PTCD3: variants seen among roughly 807,000 people sequenced by gnomAD.
The protein encoded by PTCD3 is small ribosomal subunit protein mS39.
In PTCD3, 89 loss-of-function variants were observed where a neutral mutation model predicts 101.9. That is an observed-to-expected ratio of 0.87 (90% CI 0.74 to 1.04). PTCD3 has a LOEUF of 1.04. PTCD3 is among the 50% of genes least tolerant of loss of function. PTCD3 has a pLI of 0.00. For synonymous variants in PTCD3, 296 were observed against 278.5 expected (o/e 1.06, Z -0.63); for missense variants, 870 against 828.2 (o/e 1.05, Z -0.62).
At chr2:86,109,579 T>C (rs1573846124) in intron 3 of PTCD3, among the ~76,000 whole-genome samples, 1 of 152,302 alleles carries the variant, frequency 6.6e-6, no homozygotes, top group South Asian at 2.1e-4. Context: ...GAGAGAGGAT[T>C]TGAAGAAATA....
chr2:86,113,421 A>G (rs761892150), intron 4 of PTCD3, among the ~76,000 whole-genome samples: 1 of 152,162 alleles, frequency 6.6e-6, no homozygotes, highest in Non-Finnish European at 1.5e-5. Flanking sequence ...TTTCTGCCAC[A>G]GTATCTGTAT....
At chr2:86,113,613 C>T (rs1573848302) in intron 4 of PTCD3, among the ~76,000 whole-genome samples, 1 of 152,036 alleles carries the variant, frequency 6.6e-6, no homozygotes, top group South Asian at 2.1e-4. Context: ...TGAGATCAGT[C>T]TGGGCAACAT....
rs536502150 is a variant in PTCD3 at position 86,118,382 on chromosome 2, C to T, written c.415-539C>T. Among the ~76,000 whole-genome samples the T allele has an allele frequency of 2.5e-4, 38 of 152,286 alleles. 1 individual carries two copies. Among genetic ancestry groups the T allele is most frequent in the African/African-American group, 9.1e-4 (38 of 41,566 alleles). On this transcript the variant is annotated intron_variant, in intron 6 of 23. Coordinates refer to ENST00000254630, the MANE Select transcript of PTCD3 (RefSeq NM_017952.6). ...TTGGTGGAAGTACTAATCTCAGACTCATCATATCTAAACTGCTCCCATATC... is the reference window on the plus strand; with the variant it reads ...TTGGTGGAAGTACTAATCTCAGACTTATCATATCTAAACTGCTCCCATATC...
Position 86,125,438 on chromosome 2 carries a change from A to G in PTCD3, c.805-17A>G, listed in dbSNP as rs780768885. 3 of 1,607,628 alleles carry G rather than the reference A, an allele frequency of 1.9e-6. No homozygotes were observed. Among genetic ancestry groups the G allele is most frequent in the Admixed American group, 1.7e-5 (1 of 60,020 alleles). ...TAAGTAAATGAATTTGATGATGCTTAATTTTTCCTTTTCCAGCACCGAGCT... is the reference window on the plus strand; with the variant it reads ...TAAGTAAATGAATTTGATGATGCTTGATTTTTCCTTTTCCAGCACCGAGCT... On this transcript the variant is annotated splice_polypyrimidine_tract_variant and intron_variant, in intron 10 of 23. Coordinates refer to ENST00000254630, the MANE Select transcript of PTCD3 (RefSeq NM_017952.6).
chr2:86,118,817 G>A, intron 6 of PTCD3, 104 bp from the exon 7 acceptor site: 1 of 1,279,440 alleles, frequency 7.8e-7, no homozygotes, highest in South Asian at 1.4e-5. Context: ...TTGGAGCAGT[G>A]AAGTTTTACT....
rs1674175975 is a variant in PTCD3 at position 86,116,280 on chromosome 2, A to G, written c.241-250A>G. ...GCTGGATACAGTGGCTCACGTCTAT[A>G]ATCCTAGCCCTTTGTAAGGCAGAAG... On this transcript the variant is annotated intron_variant, in intron 4 of 23. Transcript: ENST00000254630. 1.3e-5 allele frequency among the ~76,000 whole-genome samples: 2 copies of G among 152,198 alleles called. 1 individual carries two copies. The highest frequency in any genetic ancestry group is 4.1e-4 in the South Asian group (2 of 4,828).
intron 8 of PTCD3, among the ~76,000 whole-genome samples, chr2:86,121,895 T>C (rs72936306): frequency 0.022 from 3,385 of 152,334 alleles, 130 homozygotes; most frequent in African/African-American, 0.076. Flanking sequence ...TGATGTATTC[T>C]GGCCAGGGAA....
chr2:86,116,957 G>GTTTT, intron 5 of PTCD3, 98 bp from the exon 6 acceptor site: 1 of 609,098 alleles, frequency 1.6e-6, no homozygotes. Flanking sequence ...TGTTGCATTT[G>GTTTT]TTTTTTTTTG....
chr2:86,116,147 CCA>C (rs1329439374), intron 4 of PTCD3, among the ~76,000 whole-genome samples: 3 of 152,088 alleles, frequency 2.0e-5, no homozygotes, highest in African/African-American at 4.8e-5. Context: ...GTATATATGC[CCA>C]CACACGTTTG....
intron 4 of PTCD3, among the ~76,000 whole-genome samples, chr2:86,115,442 A>G (rs1233768961): frequency 1.3e-5 from 2 of 152,302 alleles, no homozygotes; most frequent in East Asian, 1.9e-4. Context: ...GTATAATTCA[A>G]ATAAAAACTG....
At chr2:86,113,149 A>G (rs1674120301) in intron 4 of PTCD3, among the ~76,000 whole-genome samples, 1 of 152,250 alleles carries the variant, frequency 6.6e-6, no homozygotes, top group Non-Finnish European at 1.5e-5. Context: ...TGAATTAAGT[A>G]TACGTAAGAT....
Position 86,125,792 on chromosome 2 carries a change from C to T in PTCD3, c.866-3C>T, listed in dbSNP as rs1343920749. On this transcript the variant is annotated splice_region_variant and splice_polypyrimidine_tract_variant and intron_variant, in intron 11 of 23. Coordinates refer to ENST00000254630, the MANE Select transcript of PTCD3 (RefSeq NM_017952.6). ...CAAATTTTATCATTTTATTATTTTA[C>T]AGCTGATGTATACACATTTAATGCA... 2 of 1,582,874 alleles carry T rather than the reference C, an allele frequency of 1.3e-6. No homozygotes were observed. The highest frequency in any genetic ancestry group is 1.4e-5 in the African/African-American group (1 of 73,856).
chr2:86,130,725 G>C lies in PTCD3; in HGVS notation c.1225G>C (p.Asp409His), dbSNP rs747708923. 1 of 1,613,466 alleles carries C rather than the reference G, an allele frequency of 6.2e-7. No homozygotes were observed. Among genetic ancestry groups the C allele is most frequent in the Admixed American group, 1.7e-5 (1 of 59,972 alleles). Residue 409 changes from aspartate to histidine, a missense_variant, in exon 15 of 24, where the codon GAC becomes CAC. Coordinates refer to ENST00000254630, the MANE Select transcript of PTCD3 (RefSeq NM_017952.6). Reference sequence around the variant, plus strand: ...AATGGGAAAGAGATTTTCTCCAAAGGACCCGGATGATGGCATGTATAGAAA... The same window carrying C: ...AATGGGAAAGAGATTTTCTCCAAAGCACCCGGATGATGGCATGTATAGAAA... ...ELMGKRFSPK[D>H]PDDDKFFQSA...
intron 16 of PTCD3, among the ~76,000 whole-genome samples, chr2:86,132,012 T>C (rs893283886): frequency 1.3e-5 from 2 of 152,202 alleles, no homozygotes; most frequent in African/African-American, 2.4e-5. Context: ...TGGGTAGATT[T>C]TGGAGTTATT....
At chr2:86,134,514 T>C (rs763679341) in intron 20 of PTCD3, 137 bp downstream of exon 20, 1 of 720,702 alleles carries the variant, frequency 1.4e-6, no homozygotes, top group Non-Finnish European at 2.3e-6. Context: ...TCTAAACATA[T>C]CTTGCCCTTA....
Position 86,118,960 on chromosome 2 carries a change from A to G in PTCD3, c.454A>G (p.Ile152Val), listed in dbSNP as rs1275790730. Reference protein sequence around the residue: ...PEYFEPQIKDISEAALKERIE... With the variant: ...PEYFEPQIKDVSEAALKERIE... ...GTACTTTGAACCTCAGATCAAAGAC[A>G]TAAGTGAAGCCGCCCTGAAGGAACG... Residue 152 changes from isoleucine to valine, a missense_variant, in exon 7 of 24, where the codon ATA (isoleucine) becomes GTA (valine). Transcript: ENST00000254630. 5 of 1,614,004 alleles carry G rather than the reference A, an allele frequency of 3.1e-6. No individual in the cohort carries two copies. The highest frequency in any genetic ancestry group is 1.3e-5 in the African/African-American group (1 of 75,048).
chr2:86,119,254 G>A (rs1674237486), intron 7 of PTCD3: 1 of 619,096 alleles, frequency 1.6e-6, no homozygotes, highest in Non-Finnish European at 2.6e-6. Flanking sequence ...CAGCTTTGTT[G>A]GTTTATTGTA....
At chr2:86,126,813 G>C (rs527619924) in intron 12 of PTCD3, among the ~76,000 whole-genome samples, 127 of 151,496 alleles carry the variant, frequency 8.4e-4, no homozygotes, top group African/African-American at 3.0e-3. Flanking sequence ...CTCCAGCCTG[G>C]GCAAGAAGAG....
chr2:86,120,148 TC>T (rs1403227442), intron 7 of PTCD3, among the ~76,000 whole-genome samples: 1 of 152,172 alleles, frequency 6.6e-6, no homozygotes. Context: ...GTGAGGCGCT[TC>T]CCTCTGCTTG....
Sources: allele counts gnomAD v4.1 joint callset (sites outside exome capture counted in the v4.1 genomes callset), GRCh38; gene constraint gnomAD v4.1.1; transcripts MANE v1.5; gene names NCBI Gene and HGNC (gene_info 2026-07-23, HGNC 2026-07-21).